The following ITGBL1 variants were observed in gnomAD, a reference collection of about 807,000 sequenced individuals.
ITGBL1 encodes the protein integrin subunit beta like 1.
Under a neutral mutation model 68.5 loss-of-function variants are expected in ITGBL1, and 51 were observed. The observed-to-expected ratio is 0.74, with a 90% CI of 0.59 to 0.94. The LOEUF (loss-of-function observed/expected upper bound fraction) is 0.94, where lower values mean the gene tolerates loss of function less well. Among genes scored for constraint, ITGBL1 ranks in the 40% least tolerant of loss-of-function variants. The pLI is 0.00. For missense variants in ITGBL1, 649 were observed against 647.4 expected (o/e 1.00, Z -0.03); for synonymous variants, 209 against 227.3 (o/e 0.92, Z 0.72).
At chr13:101,605,561 T>C (rs983660935) in intron 7 of ITGBL1, among the ~76,000 whole-genome samples, 1 of 151,704 alleles carries the variant, frequency 6.6e-6, no homozygotes, top group African/African-American at 2.4e-5. Context: ...TTTAGACATA[T>C]GTATATGCGT....
chr13:101,634,873 G>A (rs2032112793), intron 7 of ITGBL1, among the ~76,000 whole-genome samples: 1 of 151,710 alleles, frequency 6.6e-6, no homozygotes, highest in Non-Finnish European at 1.5e-5. Context: ...AGCTGATAAG[G>A]AACCAATGTT....
chr13:101,689,605 T>TAA (rs999257791), intron 7 of ITGBL1, among the ~76,000 whole-genome samples: 4 of 150,898 alleles, frequency 2.7e-5, no homozygotes, highest in South Asian at 2.1e-4. Context: ...ACTCTGTCTC[T>TAA]AAAAAAAAAC....
intron 2 of ITGBL1, among the ~76,000 whole-genome samples, chr13:101,481,893 C>T (rs1009607941): frequency 6.6e-6 from 1 of 151,894 alleles, no homozygotes. Flanking sequence ...AGGTGATTAG[C>T]GTATCCATCA....
intron 2 of ITGBL1, among the ~76,000 whole-genome samples, chr13:101,501,574 C>T (rs2048941548): frequency 6.6e-6 from 1 of 152,090 alleles, no homozygotes; most frequent in African/African-American, 2.4e-5. Context: ...AGAAAAATGA[C>T]TCTTAGATAT....
At chr13:101,502,303 T>C (rs2048955827) in intron 2 of ITGBL1, among the ~76,000 whole-genome samples, 1 of 152,198 alleles carries the variant, frequency 6.6e-6, no homozygotes, top group Non-Finnish European at 1.5e-5. Context: ...TTCTTACATT[T>C]ACTACTCAGG....
At chr13:101,578,472 G>A (rs2050400446) in intron 4 of ITGBL1, among the ~76,000 whole-genome samples, 1 of 152,176 alleles carries the variant, frequency 6.6e-6, no homozygotes, top group South Asian at 2.1e-4. Flanking sequence ...AGTAAAATTT[G>A]GGATAAATGC....
At chr13:101,463,564 C>CT (rs2048344689) in intron 2 of ITGBL1, among the ~76,000 whole-genome samples, 1 of 152,100 alleles carries the variant, frequency 6.6e-6, no homozygotes, top group Non-Finnish European at 1.5e-5. Flanking sequence ...AATTTTCATG[C>CT]TTTTTCTCTG....
At chr13:101,507,764 T>C (rs1282559905) in intron 2 of ITGBL1, among the ~76,000 whole-genome samples, 1 of 152,054 alleles carries the variant, frequency 6.6e-6, no homozygotes, top group African/African-American at 2.4e-5. Context: ...TATAATGAGG[T>C]CACAGAGCCA....
intron 8 of ITGBL1, among the ~76,000 whole-genome samples, chr13:101,703,009 C>A (rs1336125935): frequency 1.3e-5 from 2 of 152,160 alleles, no homozygotes; most frequent in African/African-American, 2.4e-5. Flanking sequence ...TTTCAATCTC[C>A]TCCAAGTTTT....
intron 7 of ITGBL1, among the ~76,000 whole-genome samples, chr13:101,638,536 AG>A (rs1160303991): frequency 6.6e-6 from 1 of 152,216 alleles, no homozygotes; most frequent in Non-Finnish European, 1.5e-5. Context: ...ATGGAGTCAC[AG>A]TTCCACATGG....
At chr13:101,587,383 T>G (rs1367315571) in intron 6 of ITGBL1, among the ~76,000 whole-genome samples, 2 of 152,216 alleles carry the variant, frequency 1.3e-5, no homozygotes, top group Non-Finnish European at 2.9e-5. Flanking sequence ...ACATGACTGT[T>G]ATACTACACA....
chr13:101,547,296 A>G (rs2049842812), intron 2 of ITGBL1, among the ~76,000 whole-genome samples: 1 of 151,926 alleles, frequency 6.6e-6, no homozygotes, highest in Non-Finnish European at 1.5e-5. Flanking sequence ...GAACATATTA[A>G]GCTCACTTAC....
intron 7 of ITGBL1, among the ~76,000 whole-genome samples, chr13:101,670,521 T>C (rs1228410283): frequency 1.3e-5 from 2 of 152,232 alleles, no homozygotes; most frequent in Non-Finnish European, 1.5e-5. Context: ...TCTTACATCC[T>C]TGTAATTTTC....
At chr13:101,595,133 T>A (rs1329222376) in intron 6 of ITGBL1, among the ~76,000 whole-genome samples, 1 of 152,132 alleles carries the variant, frequency 6.6e-6, no homozygotes, top group East Asian at 1.9e-4. Context: ...TTGACTCACA[T>A]TTCTGCAGTC....
chr13:101,519,516 T>TGCCTGCCTGCCTGC (rs2049249909), intron 2 of ITGBL1, among the ~76,000 whole-genome samples: 1 of 152,068 alleles, frequency 6.6e-6, no homozygotes, highest in East Asian at 1.9e-4. Context: ...TTCCTGCCTG[T>TGCCTGCCTGCCTGC]CTGCCTGCCT....
intron 7 of ITGBL1, among the ~76,000 whole-genome samples, chr13:101,651,699 C>T (rs2032755847): frequency 6.6e-6 from 1 of 151,954 alleles, no homozygotes; most frequent in Non-Finnish European, 1.5e-5. Context: ...TCAATTTTTG[C>T]TTTTGTTGCA....
intron 2 of ITGBL1, among the ~76,000 whole-genome samples, chr13:101,543,412 T>C (rs2049750620): frequency 6.6e-6 from 1 of 152,228 alleles, no homozygotes; most frequent in Non-Finnish European, 1.5e-5. Flanking sequence ...TTGTAGAGTT[T>C]CTGCCGAGAG....
chr13:101,658,447 T>G (rs79127577), intron 7 of ITGBL1, among the ~76,000 whole-genome samples: 1 of 152,206 alleles, frequency 6.6e-6, no homozygotes, highest in African/African-American at 2.4e-5. Context: ...TTAAAAAAAT[T>G]AAAGTGATCG....
chr13:101,511,772 A>G (rs2049119691), intron 2 of ITGBL1, among the ~76,000 whole-genome samples: 1 of 152,232 alleles, frequency 6.6e-6, no homozygotes, highest in South Asian at 2.1e-4. Context: ...GCAGCCAGAC[A>G]TGCACCTTCA....
Sources: allele counts gnomAD v4.1 joint callset (sites outside exome capture counted in the v4.1 genomes callset), GRCh38; gene constraint gnomAD v4.1.1; transcripts MANE v1.5; gene names NCBI Gene and HGNC (gene_info 2026-07-23, HGNC 2026-07-21).